The following TRPC6 variants were observed in gnomAD, a reference collection of about 807,000 sequenced individuals.
The protein encoded by TRPC6 is transient receptor potential cation channel subfamily C member 6.
A neutral mutation model predicts 90.7 loss-of-function variants in TRPC6; 55 were observed. The observed-to-expected ratio is 0.61, with a 90% CI of 0.49 to 0.76. TRPC6 has a LOEUF of 0.76. Ranked by LOEUF, TRPC6 falls within the 30% of genes least tolerant of loss-of-function variation. The pLI is 0.00. For synonymous variants in TRPC6, 393 were observed against 393.0 expected, an observed-to-expected ratio of 1.00 and a Z score of 0.00; for missense variants, 989 against 1,122.7, an observed-to-expected ratio of 0.88 and a Z score of 1.70.
chr11:101,555,213 T>C (rs1178765200), intron 1 of TRPC6, among the ~76,000 whole-genome samples: 2 of 152,220 alleles, frequency 1.3e-5, no homozygotes, highest in African/African-American at 2.4e-5. Flanking sequence ...TCACCTATTA[T>C]TCAAAGGCAG....
Position 101,483,115 on chromosome 11 carries a change from G to C in TRPC6, c.1344C>G (p.Ala448=). ...GPFMKFVAHA[A]SFTIFLGLLV... ...GCAGTCCCAGAAAAATGGTGAAGGA[G>C]GCTGCGTGTGCTACAAACTTCATGA... Residue 448 remains alanine (A), a synonymous_variant, in exon 5 of 13, where the codon GCC becomes GCG. Coordinates refer to ENST00000344327, the MANE Select transcript of TRPC6 (RefSeq NM_004621.6). The C allele has an allele frequency of 6.2e-7, 1 of 1,614,018 alleles. No homozygotes were observed.
intron 1 of TRPC6, among the ~76,000 whole-genome samples, chr11:101,575,206 G>A (rs1238857579): frequency 6.6e-6 from 1 of 152,134 alleles, no homozygotes; most frequent in Non-Finnish European, 1.5e-5. Flanking sequence ...TCCACATGAT[G>A]GCAATGAAAA....
chr11:101,555,696 G>C (rs139368770), intron 1 of TRPC6, among the ~76,000 whole-genome samples: 356 of 152,276 alleles, frequency 2.3e-3, no homozygotes, highest in African/African-American at 8.0e-3. Flanking sequence ...AAGAATATTT[G>C]TGTTTATGGT....
At chr11:101,470,886 T>C (rs1859277381) in intron 9 of TRPC6, among the ~76,000 whole-genome samples, 1 of 143,712 alleles carries the variant, frequency 7.0e-6, no homozygotes, top group African/African-American at 2.5e-5. Flanking sequence ...GTGAGGGACA[T>C]GTAGCCATAA....
intron 1 of TRPC6, among the ~76,000 whole-genome samples, chr11:101,546,698 G>T (rs1861314563): frequency 6.6e-6 from 1 of 151,986 alleles, no homozygotes. Flanking sequence ...GGAAGCAGTG[G>T]ATTTCAAAAA....
intron 1 of TRPC6, among the ~76,000 whole-genome samples, chr11:101,568,709 T>A (rs1042588948): frequency 1.3e-5 from 2 of 152,150 alleles, no homozygotes; most frequent in African/African-American, 2.4e-5. Flanking sequence ...GGGCCAATAT[T>A]CAACATTCTT....
At chr11:101,535,082 C>T (rs140528711) in intron 1 of TRPC6, among the ~76,000 whole-genome samples, 1,663 of 152,106 alleles carry the variant, frequency 0.011, 13 homozygotes, top group South Asian at 0.024. Flanking sequence ...TCAAGAATCG[C>T]TTAAACCTGG....
At chr11:101,522,693 A>C (rs189460837) in intron 1 of TRPC6, among the ~76,000 whole-genome samples, 2 of 152,264 alleles carry the variant, frequency 1.3e-5, no homozygotes, top group South Asian at 2.1e-4. Context: ...CTATGAAAGC[A>C]TTTATTTTCC....
At chr11:101,545,021 A>G (rs1188411834) in intron 1 of TRPC6, among the ~76,000 whole-genome samples, 2 of 152,154 alleles carry the variant, frequency 1.3e-5, no homozygotes, top group African/African-American at 4.8e-5. Flanking sequence ...CAATTTATGA[A>G]GATCACCTAG....
intron 1 of TRPC6, among the ~76,000 whole-genome samples, chr11:101,529,546 AG>A (rs1860860842): frequency 1.3e-5 from 2 of 152,238 alleles, no homozygotes; most frequent in African/African-American, 4.8e-5. Context: ...CCAATGCTAA[AG>A]CCTGGCTAGA....
At chr11:101,476,680 A>C in intron 5 of TRPC6, 146 bp from the exon 6 acceptor site, 1 of 722,292 alleles carries the variant, frequency 1.4e-6, no homozygotes. Flanking sequence ...CATAATTCCC[A>C]TATCCTCACA....
At chr11:101,542,460 A>C (rs1029761867) in intron 1 of TRPC6, among the ~76,000 whole-genome samples, 2 of 152,366 alleles carry the variant, frequency 1.3e-5, no homozygotes, top group African/African-American at 4.8e-5. Context: ...GATTTCAGCT[A>C]GCTGATAGTC....
At chr11:101,469,131 A>C (rs1052022071) in intron 10 of TRPC6, among the ~76,000 whole-genome samples, 2 of 152,202 alleles carry the variant, frequency 1.3e-5, no homozygotes, top group African/African-American at 4.8e-5. Context: ...CATACCCTCC[A>C]TCAGGTTCCT....
intron 1 of TRPC6, among the ~76,000 whole-genome samples, chr11:101,525,594 G>A (rs1041755078): frequency 1.3e-5 from 2 of 152,194 alleles, no homozygotes; most frequent in African/African-American, 4.8e-5. Context: ...GAACTTGGGA[G>A]TGCATGAACA....
intron 5 of TRPC6, 49 bp from the exon 6 acceptor site, chr11:101,476,583 G>T: frequency 6.6e-7 from 1 of 1,524,326 alleles, no homozygotes; most frequent in Non-Finnish European, 9.1e-7. Flanking sequence ...TTCAGCCTTA[G>T]CTGTTCTATA....
rs192867959 is a variant in TRPC6 at position 101,508,832 on chromosome 11, C to T, written c.171-4034G>A. 1.4e-4 allele frequency among the ~76,000 whole-genome samples: 21 copies of T among 152,084 alleles called. 1 individual carries two copies. Among genetic ancestry groups the T allele is most frequent in the Middle Eastern group, 3.4e-3 (1 of 294 alleles). On this transcript the variant is annotated intron_variant, in intron 1 of 12. Transcript: ENST00000344327. ...ACACAAAACTGACACAAAATAGTAACATATCAAAACATCAAGAACAAGCTC... is the reference window on the plus strand; with the variant it reads ...ACACAAAACTGACACAAAATAGTAATATATCAAAACATCAAGAACAAGCTC...
At chr11:101,562,377 C>A (rs1470323019) in intron 1 of TRPC6, among the ~76,000 whole-genome samples, 1 of 152,056 alleles carries the variant, frequency 6.6e-6, no homozygotes, top group Non-Finnish European at 1.5e-5. Flanking sequence ...TTTGGACAGT[C>A]CTCAAAAAGC....
intron 2 of TRPC6, 94 bp from the exon 3 acceptor site, chr11:101,491,832 CATTCTTTT>C: frequency 3.6e-4 from 202 of 568,342 alleles, no homozygotes; most frequent in Non-Finnish European, 5.0e-4. Context: ...TTAAGAGAAA[CATTCTTTT>C]TTTTTTTTTT....
chr11:101,522,922 G>GAAAACACCAATACCAATACC (rs1300628414), intron 1 of TRPC6, among the ~76,000 whole-genome samples: 10 of 152,162 alleles, frequency 6.6e-5, no homozygotes, highest in Non-Finnish European at 1.5e-4. Context: ...AAAAATGATA[G>GAAAACACCAATACCAATACC]AAAACACAAA....
Sources: gnomAD v4.1 joint callset for allele counts (sites outside exome capture counted in the v4.1 genomes callset) on GRCh38, gnomAD v4.1.1 for gene constraint, MANE v1.5 for transcripts, NCBI Gene and HGNC (gene_info 2026-07-23, HGNC 2026-07-21) for gene names.